Variants in STK3 observed in about 807,000 individuals in gnomAD.
STK3 encodes serine/threonine kinase 3.
Under a neutral mutation model 58.0 loss-of-function variants are expected in STK3, and 41 were observed. The observed-to-expected ratio is 0.71, with a 90% CI of 0.55 to 0.92. The LOEUF (loss-of-function observed/expected upper bound fraction) is 0.92. STK3 is among the 40% of genes least tolerant of loss of function. STK3 has a pLI of 0.00. For missense variants in STK3, 479 were observed against 602.7 expected (o/e 0.79, Z 2.15); for synonymous variants, 170 against 191.0 (o/e 0.89, Z 0.91).
At chr8:98,590,836 T>C (rs1242132473) in intron 7 of STK3, among the ~76,000 whole-genome samples, 6 of 152,218 alleles carry the variant, frequency 3.9e-5, no homozygotes, top group African/African-American at 1.2e-4. Flanking sequence ...TAACCACTTA[T>C]GTTAGTATAT....
At chr8:98,748,891 T>C (rs954352858) in intron 4 of STK3, among the ~76,000 whole-genome samples, 11 of 151,906 alleles carry the variant, frequency 7.2e-5, no homozygotes, top group African/African-American at 2.7e-4. Flanking sequence ...CAGCCATAAA[T>C]TATAATACAT....
At chr8:98,388,445 C>T (rs1219118973), upstream of STK3, among the ~76,000 whole-genome samples, 1 of 152,142 alleles carries the variant, frequency 6.6e-6, no homozygotes, top group Non-Finnish European at 1.5e-5. Flanking sequence ...AGAGAGATGA[C>T]CAAACATTGC....
chr8:98,540,273 T>C (rs1810130623), intron 9 of STK3, among the ~76,000 whole-genome samples: 1 of 152,216 alleles, frequency 6.6e-6, no homozygotes, highest in African/African-American at 2.4e-5. Context: ...TCAGAAGCAC[T>C]TGTAGAGTTT....
At chr8:98,402,346 A>G (rs4735558) in intron 3 of STK3, among the ~76,000 whole-genome samples, 22,180 of 152,136 alleles carry the variant, frequency 0.15, 2,700 homozygotes, top group East Asian at 0.43. Context: ...TGGCCTGCAT[A>G]TCTTGAGCCA....
chr8:98,722,742 C>T (rs1827522737), intron 4 of STK3: 2 of 189,484 alleles, frequency 1.1e-5, no homozygotes, highest in South Asian at 2.0e-4. Flanking sequence ...TAAAGCAGTA[C>T]CTTTCTCATA....
chr8:98,501,668 T>C (rs1016030257), intron 10 of STK3, among the ~76,000 whole-genome samples: 8 of 152,252 alleles, frequency 5.3e-5, no homozygotes, highest in African/African-American at 1.9e-4. Context: ...GGGAATCCTT[T>C]CCCGATTTCT....
intron 7 of STK3, among the ~76,000 whole-genome samples, chr8:98,583,890 A>C (rs916093841): frequency 1.1e-4 from 16 of 151,540 alleles, no homozygotes; most frequent in African/African-American, 3.9e-4. Context: ...AGACAGAGAG[A>C]AGAAAGAGAG....
chr8:98,403,715 G>A (rs1194522874), intron 3 of STK3, among the ~76,000 whole-genome samples: 1 of 152,186 alleles, frequency 6.6e-6, no homozygotes, highest in Non-Finnish European at 1.5e-5. Context: ...CTAAGGCAGA[G>A]TCACACACTA....
At chr8:98,919,697 T>C (rs1025697180) in intron 1 of STK3, among the ~76,000 whole-genome samples, 1 of 152,164 alleles carries the variant, frequency 6.6e-6, no homozygotes, top group African/African-American at 2.4e-5. Flanking sequence ...GAATAGATAA[T>C]ATAGAGATGG....
intron 6 of STK3, among the ~76,000 whole-genome samples, chr8:98,656,934 G>C (rs1563857170): frequency 6.6e-6 from 1 of 151,970 alleles, no homozygotes; most frequent in Non-Finnish European, 1.5e-5. Flanking sequence ...ATGAAATACT[G>C]GTTGAGTCAC....
chr8:98,583,551 C>G (rs1814130326), intron 7 of STK3, among the ~76,000 whole-genome samples: 1 of 152,158 alleles, frequency 6.6e-6, no homozygotes, highest in African/African-American at 2.4e-5. Context: ...AGCATCAGCA[C>G]TGTCATCCTC....
intron 1 of STK3, among the ~76,000 whole-genome samples, chr8:98,937,780 G>C (rs1482632120): frequency 6.6e-6 from 1 of 152,200 alleles, no homozygotes; most frequent in African/African-American, 2.4e-5. Context: ...ATATTCACAG[G>C]CAAACAGCTA....
intron 4 of STK3, among the ~76,000 whole-genome samples, chr8:98,713,344 G>A (rs935979693): frequency 6.6e-6 from 1 of 152,022 alleles, no homozygotes; most frequent in Non-Finnish European, 1.5e-5. Context: ...ATGAATCTAG[G>A]AACTGGTTTT....
At chr8:98,397,651 T>A (rs1402372969), downstream of STK3, among the ~76,000 whole-genome samples, 1 of 152,198 alleles carries the variant, frequency 6.6e-6, no homozygotes, top group African/African-American at 2.4e-5. Flanking sequence ...GTCTCTGATA[T>A]GGGTTGGCTC....
chr8:98,859,005 G>T (rs1445906628), intron 3 of STK3, among the ~76,000 whole-genome samples: 3 of 151,930 alleles, frequency 2.0e-5, no homozygotes. Context: ...CCAACTCAGT[G>T]TCTATAAGAA....
chr8:98,863,079 G>T (rs138756662), intron 3 of STK3, among the ~76,000 whole-genome samples: 1 of 152,302 alleles, frequency 6.6e-6, no homozygotes, highest in African/African-American at 2.4e-5. Context: ...TGCCCTCTGG[G>T]TGGAGACATG....
intron 6 of STK3, among the ~76,000 whole-genome samples, chr8:98,646,525 G>C (rs1820407669): frequency 6.6e-6 from 1 of 152,142 alleles, no homozygotes; most frequent in African/African-American, 2.4e-5. Context: ...ACTTAGTACA[G>C]AAAGATCCCA....
Position 98,861,496 on chromosome 8 carries a change from C to T in STK3, c.110+22151G>A, listed in dbSNP as rs948853508. Among the ~76,000 whole-genome samples, 5 of 151,836 alleles carry T rather than the reference C, an allele frequency of 3.3e-5. 1 individual carries two copies. Among genetic ancestry groups the T allele is most frequent in the Admixed American group, 6.6e-5 (1 of 15,242 alleles). On this transcript the variant is annotated intron_variant, in intron 3 of 12. Transcript: ENST00000523601. Reference sequence around the variant, plus strand: ...CTGAGTAGCTGGGACTACAGGCGCACGCCACCATGCCCGGCTAATTTTTTG... The same window carrying T: ...CTGAGTAGCTGGGACTACAGGCGCATGCCACCATGCCCGGCTAATTTTTTG...
intron 3 of STK3, among the ~76,000 whole-genome samples, chr8:98,757,549 C>T (rs559200032): frequency 2.0e-5 from 3 of 147,236 alleles, no homozygotes; most frequent in East Asian, 4.1e-4. Context: ...GAGCCGAGGT[C>T]GCGCCATTGC....
Sources: gnomAD v4.1 joint callset for allele counts (sites outside exome capture counted in the v4.1 genomes callset) on GRCh38, gnomAD v4.1.1 for gene constraint, MANE v1.5 for transcripts, NCBI Gene and HGNC (gene_info 2026-07-23, HGNC 2026-07-21) for gene names.